The following TENM2 variants were observed in gnomAD, a reference collection of about 807,000 sequenced individuals.
TENM2 encodes teneurin-2.
TENM2 carries 52 observed loss-of-function variants against 245.2 expected under a neutral mutation model. The observed-to-expected ratio is 0.21, with a 90% CI of 0.17 to 0.27. The LOEUF (loss-of-function observed/expected upper bound fraction) is 0.27, where lower values mean the gene tolerates loss of function less well. Ranked by LOEUF, TENM2 falls within the 10% of genes least tolerant of loss-of-function variation. The probability of loss-of-function intolerance (pLI) is 1.00; values close to 1 mark genes in which losing one functional copy is unlikely to be tolerated. For missense variants in TENM2, 3,046 were observed against 3,666.8 expected (o/e 0.83, Z 4.37); for synonymous variants, 1,363 against 1,438.9 (o/e 0.95, Z 1.19).
intron 3 of TENM2, among the ~76,000 whole-genome samples, chr5:167,890,113 C>G (rs1774625473): frequency 6.6e-6 from 1 of 152,082 alleles, no homozygotes; most frequent in Admixed American, 6.5e-5. Flanking sequence ...AGACCCTTCT[C>G]CTCTTGGGCC....
chr5:168,205,491 A>C (rs1223494499), intron 19 of TENM2, among the ~76,000 whole-genome samples: 1 of 152,164 alleles, frequency 6.6e-6, no homozygotes, highest in Admixed American at 6.5e-5. Context: ...GGCGACAGGG[A>C]GGGTACATGG....
At chr5:167,439,212 T>G (rs2127457127) in intron 2 of TENM2, among the ~76,000 whole-genome samples, 1 of 152,328 alleles carries the variant, frequency 6.6e-6, no homozygotes, top group Admixed American at 6.5e-5. Context: ...CTTGATGAAA[T>G]AATGTAGGCT....
At chr5:167,505,217 C>T (rs945151718) in intron 2 of TENM2, among the ~76,000 whole-genome samples, 3 of 152,068 alleles carry the variant, frequency 2.0e-5, no homozygotes, top group South Asian at 2.1e-4. Context: ...ATATTCAAAC[C>T]GATGTTATCA....
intron 7 of TENM2, among the ~76,000 whole-genome samples, chr5:168,083,233 G>C (rs1253992226): frequency 1.3e-5 from 2 of 152,184 alleles, no homozygotes; most frequent in African/African-American, 2.4e-5. Context: ...GGATCCGTTG[G>C]TGTGGGACCC....
intron 2 of TENM2, among the ~76,000 whole-genome samples, chr5:167,696,145 A>G (rs1326525406): frequency 1.3e-5 from 2 of 152,096 alleles, no homozygotes; most frequent in Admixed American, 1.3e-4. Flanking sequence ...TCATGAGGTG[A>G]TATTTATGAT....
chr5:167,520,744 G>A lies in TENM2; in HGVS notation c.502+145271G>A, dbSNP rs78842166. On this transcript the variant is annotated intron_variant, in intron 2 of 28. Coordinates refer to ENST00000518659, the Ensembl canonical transcript of TENM2. ...CTCTTCATCTTTTCTCCACGTCATG[G>A]CGCTGCTTCCTCCCTATTCCTGCTT... Among the ~76,000 whole-genome samples the A allele has an allele frequency of 1.9e-3, 281 of 151,800 alleles. 4 individuals are homozygous for A. Among genetic ancestry groups the A allele is most frequent in the African/African-American group, 6.4e-3 (266 of 41,406 alleles).
At chr5:167,552,304 C>CT (rs1337928368) in intron 2 of TENM2, among the ~76,000 whole-genome samples, 2 of 152,072 alleles carry the variant, frequency 1.3e-5, no homozygotes, top group African/African-American at 4.8e-5. Context: ...TGCTGTAGTC[C>CT]TTTTTCAGTA....
intron 3 of TENM2, among the ~76,000 whole-genome samples, chr5:167,894,893 G>A (rs1775050111): frequency 6.7e-6 from 1 of 148,404 alleles, no homozygotes; most frequent in African/African-American, 2.5e-5. Context: ...TAGAAGCTAA[G>A]AGGTTGCCTC....
intron 2 of TENM2, chr5:167,653,537 T>A (rs905124253): frequency 1.3e-5 from 2 of 152,350 alleles, no homozygotes; most frequent in East Asian, 3.9e-4. Flanking sequence ...TGCTTATATT[T>A]CTTCTTTTCA....
chr5:167,857,679 G>A (rs2151255133), intron 2 of TENM2, among the ~76,000 whole-genome samples: 1 of 152,296 alleles, frequency 6.6e-6, no homozygotes, highest in Non-Finnish European at 1.5e-5. Flanking sequence ...GAAGATAAGA[G>A]TCTAATGTCA....
In TENM2 at chr5:167,690,288, T is replaced by A. The variant is rs1016100311; in HGVS notation, c.503-185698T>A. Among the ~76,000 whole-genome samples, 66 of 150,404 alleles carry A rather than the reference T, an allele frequency of 4.4e-4. 1 individual carries two copies. The highest frequency in any genetic ancestry group is 1.6e-3 in the African/African-American group (64 of 40,944). The stretch of plus-strand genomic sequence containing the variant: ...TTATATTTTTATTTACTTTTATGTA[T>A]TTTTTTTTAAGTTTAACAGAAGAGG... On this transcript the variant is annotated intron_variant, in intron 2 of 28. Transcript: ENST00000518659.
chr5:167,867,245 T>C (rs1158413636), intron 2 of TENM2, among the ~76,000 whole-genome samples: 1 of 152,122 alleles, frequency 6.6e-6, no homozygotes, highest in Non-Finnish European at 1.5e-5. Flanking sequence ...ATTAGAAAAT[T>C]ACAGAAATTA....
In TENM2 at chr5:168,203,792, C is replaced by T. The variant is rs761814544; in HGVS notation, c.3534C>T (p.Gly1178=). 32 of 1,613,432 alleles carry T rather than the reference C, an allele frequency of 2.0e-5. No homozygotes were observed. In the South Asian group the frequency reaches 3.4e-4, roughly 17 times the overall value. ...AGCTGGACCCCTCCAACCTCGGTGGCTGGTCCCTAGACAAACACCACATCC... is the reference window on the plus strand; with the variant it reads ...AGCTGGACCCCTCCAACCTCGGTGGTTGGTCCCTAGACAAACACCACATCC... Residue 1178 remains glycine (G), a synonymous_variant, in exon 18 of 29, where the codon GGC becomes GGT. Coordinates refer to ENST00000518659, the Ensembl canonical transcript of TENM2.
chr5:167,060,753 ATAT>A, the TENM2 span, among the ~76,000 whole-genome samples: 1 of 151,956 alleles, frequency 6.6e-6, no homozygotes, highest in Admixed American at 6.6e-5. Context: ...ATTAATGTAA[ATAT>A]TATTATTAAG....
Position 167,455,158 on chromosome 5 carries a change from T to A in TENM2, c.502+79685T>A, listed in dbSNP as rs187837070. Among the ~76,000 whole-genome samples the A allele has an allele frequency of 2.0e-5, 3 of 152,188 alleles. No homozygotes were observed. The East Asian group carries it at 5.8e-4, about 29-fold the overall frequency. On this transcript the variant is annotated intron_variant, in intron 2 of 28. Coordinates refer to ENST00000518659, the Ensembl canonical transcript of TENM2. ...TGCTTCCAAGTGTTGTGTAGACTCATTAATGTTTAATTCTTTATTTTGAGA... is the reference window on the plus strand; with the variant it reads ...TGCTTCCAAGTGTTGTGTAGACTCAATAATGTTTAATTCTTTATTTTGAGA...
chr5:168,039,056 T>C (rs1419043141), intron 5 of TENM2, among the ~76,000 whole-genome samples: 2 of 152,022 alleles, frequency 1.3e-5, no homozygotes. Flanking sequence ...ATCTCGGGTG[T>C]CCTAATTGGC....
At chr5:167,923,324 GA>G (rs5873074) in intron 3 of TENM2, among the ~76,000 whole-genome samples, 40,945 of 136,474 alleles carry the variant, frequency 0.3, 7,454 homozygotes, top group African/African-American at 0.55. Flanking sequence ...CTCCAAAAAA[GA>G]AAAAAAAAAA....
chr5:168,163,961 T>C (rs1222916999), intron 13 of TENM2, among the ~76,000 whole-genome samples: 7 of 152,188 alleles, frequency 4.6e-5, no homozygotes, highest in Admixed American at 1.3e-4. Flanking sequence ...TCTGGGGAGT[T>C]CCTTTAGACT....
chr5:167,368,078 A>T (rs932421398), intron 1 of TENM2, among the ~76,000 whole-genome samples: 2 of 152,264 alleles, frequency 1.3e-5, no homozygotes, highest in East Asian at 3.9e-4. Flanking sequence ...ATTTTAGAAA[A>T]AGGCCGCTTA....
Sources: gnomAD v4.1 joint callset for allele counts (sites outside exome capture counted in the v4.1 genomes callset) on GRCh38, gnomAD v4.1.1 for gene constraint, MANE v1.5 for transcripts, NCBI Gene and HGNC (gene_info 2026-07-23, HGNC 2026-07-21) for gene names.